Variants in WNT3A observed in about 807,000 individuals in gnomAD.
WNT3A encodes the protein protein Wnt-3a.
Under a neutral mutation model 37.0 loss-of-function variants are expected in WNT3A, and 17 were observed. That is an observed-to-expected ratio of 0.46 (90% CI 0.31 to 0.69). The LOEUF (loss-of-function observed/expected upper bound fraction) is 0.69, where lower values mean the gene tolerates loss of function less well. Ranked by LOEUF, WNT3A falls within the 30% of genes least tolerant of loss-of-function variation. The pLI is 0.05. For missense variants in WNT3A, 411 were observed against 510.2 expected, an observed-to-expected ratio of 0.81 and a Z score of 1.87; for synonymous variants, 187 against 211.0, an observed-to-expected ratio of 0.89 and a Z score of 0.99.
chr1:228,030,167 G>A (rs913263614), intron 2 of WNT3A, among the ~76,000 whole-genome samples: 1 of 151,880 alleles, frequency 6.6e-6, no homozygotes, highest in South Asian at 2.1e-4. Context: ...GGCGGAGGCG[G>A]GCAGATCACT....
intron 2 of WNT3A, among the ~76,000 whole-genome samples, chr1:228,033,298 A>T (rs1338178817): frequency 6.6e-6 from 1 of 152,150 alleles, no homozygotes; most frequent in East Asian, 1.9e-4. Context: ...TTTTTAAATA[A>T]GAGTTTTAGC....
Position 228,052,753 on chromosome 1 carries a change from G to A in WNT3A, c.579+1832G>A, listed in dbSNP as rs1382444832. ...CTGCAGAAGACAACTTCAGATGCAGGATGAACTATAAAAAGCACCCTGTTA... is the reference window on the plus strand; with the variant it reads ...CTGCAGAAGACAACTTCAGATGCAGAATGAACTATAAAAAGCACCCTGTTA... On this transcript the variant is annotated intron_variant, in intron 3 of 3. Transcript: ENST00000284523. 5.3e-5 allele frequency among the ~76,000 whole-genome samples: 8 copies of A among 152,322 alleles called. No homozygotes were observed. The East Asian group carries it at 9.6e-4, about 18-fold the overall frequency.
At chr1:228,053,906 A>T (rs919235216) in intron 3 of WNT3A, among the ~76,000 whole-genome samples, 1 of 152,182 alleles carries the variant, frequency 6.6e-6, no homozygotes, top group African/African-American at 2.4e-5. Context: ...CCATAAAATG[A>T]TTTTTAAGTG....
At chr1:228,047,449 T>C (rs1399253129) in intron 2 of WNT3A, among the ~76,000 whole-genome samples, 1 of 151,964 alleles carries the variant, frequency 6.6e-6, no homozygotes, top group Non-Finnish European at 1.5e-5. Context: ...GGATGTGTGT[T>C]GGGCCGTGTG....
chr1:228,009,055 C>T (rs976757118), intron 1 of WNT3A, among the ~76,000 whole-genome samples: 1 of 152,142 alleles, frequency 6.6e-6, no homozygotes, highest in African/African-American at 2.4e-5. Context: ...CACAGGGAAG[C>T]GGGGCATAGA....
intron 1 of WNT3A, among the ~76,000 whole-genome samples, chr1:228,010,675 G>A (rs191392702): frequency 5.7e-4 from 87 of 152,364 alleles, no homozygotes; most frequent in African/African-American, 2.0e-3. Context: ...CTGGCTGCTT[G>A]CAGATGGCCA....
intron 2 of WNT3A, among the ~76,000 whole-genome samples, chr1:228,025,868 C>T (rs1032414323): frequency 6.6e-6 from 1 of 151,966 alleles, no homozygotes; most frequent in African/African-American, 2.4e-5. Flanking sequence ...CTCCCAGGCT[C>T]AAGTAATTCT....
At chr1:228,046,712 G>A (rs562513823) in intron 2 of WNT3A, among the ~76,000 whole-genome samples, 36 of 150,926 alleles carry the variant, frequency 2.4e-4, no homozygotes, top group African/African-American at 8.8e-4. Flanking sequence ...TTGCATGCAT[G>A]TGTATATGTG....
chr1:228,022,900 T>C lies in WNT3A; in HGVS notation c.305T>C (p.Leu102Pro). ...HDSLAIFGPV[L>P]DKATRESAFV... ...AGCCTGGCCATCTTCGGGCCCGTGCTGGACAAAGGTATGGGGGTGGTCTGG... is the reference window on the plus strand; with the variant it reads ...AGCCTGGCCATCTTCGGGCCCGTGCCGGACAAAGGTATGGGGGTGGTCTGG... Residue 102 changes from leucine to proline, a missense_variant, in exon 2 of 4, where the codon CTG becomes CCG. Physicochemically the swap from Leu to Pro is moderately conservative, Grantham distance 98 (BLOSUM62 -3). Coordinates refer to ENST00000284523, the MANE Select transcript of WNT3A (RefSeq NM_033131.4). 6.2e-7 allele frequency: 1 copy of C among 1,606,938 alleles called. No individual in the cohort carries two copies. The highest frequency in any genetic ancestry group is 1.1e-5 in the South Asian group (1 of 90,534).
rs1478559017 is a variant in WNT3A at position 228,042,676 on chromosome 1, A to G, written c.314-7980A>G. 6.6e-6 allele frequency among the ~76,000 whole-genome samples: 1 copy of G among 151,270 alleles called. No homozygotes were observed. The highest frequency in any genetic ancestry group is 2.4e-5 in the African/African-American group (1 of 41,008). On this transcript the variant is annotated intron_variant, in intron 2 of 3. Transcript: ENST00000284523. This position sits in a 1 kb window ranked among gnomAD's most constrained non-coding sequence, Gnocchi z 5.2. Reference sequence around the variant, plus strand: ...ATGGTGGATGATGGGTAATGGATGGACAATGGATGGATTGTGGATGGATGG... The same window carrying G: ...ATGGTGGATGATGGGTAATGGATGGGCAATGGATGGATTGTGGATGGATGG...
intron 1 of WNT3A, among the ~76,000 whole-genome samples, chr1:228,012,046 C>T (rs2030386898): frequency 6.6e-6 from 1 of 152,228 alleles, no homozygotes; most frequent in Non-Finnish European, 1.5e-5. Context: ...GGGGCTTGTT[C>T]TAACGATGTT....
At chr1:228,054,926 C>CGGGTGGACCACCT (rs57084903) in intron 3 of WNT3A, among the ~76,000 whole-genome samples, 1 of 150,210 alleles carries the variant, frequency 6.7e-6, no homozygotes, top group African/African-American at 2.4e-5. Context: ...GAGGCCGAGG[C>CGGGTGGACCACCT]GAGTTCGAGA....
intron 2 of WNT3A, among the ~76,000 whole-genome samples, chr1:228,029,000 T>G (rs1037028626): frequency 3.9e-5 from 6 of 152,184 alleles, no homozygotes; most frequent in African/African-American, 1.4e-4. Flanking sequence ...AAACAATTCC[T>G]TGGGGAAAAG....
intron 1 of WNT3A, among the ~76,000 whole-genome samples, chr1:228,011,259 G>A (rs769034322): frequency 2.6e-5 from 4 of 152,170 alleles, no homozygotes; most frequent in East Asian, 1.9e-4. Context: ...GGGGCCAGTC[G>A]AGCAGGGCAG....
intron 3 of WNT3A, among the ~76,000 whole-genome samples, chr1:228,054,889 C>T (rs754819738): frequency 7.9e-5 from 12 of 151,146 alleles, no homozygotes; most frequent in Non-Finnish European, 1.6e-4. Flanking sequence ...GGCACGGTGG[C>T]TCGCACCTGT....
At chr1:228,022,578 C>T (rs576195328) in intron 1 of WNT3A, 89 bp from the exon 2 acceptor site, 3 of 1,476,504 alleles carry the variant, frequency 2.0e-6, no homozygotes, top group African/African-American at 2.8e-5. Flanking sequence ...CCCGAATGCA[C>T]TTGAGGCCCC....
At position 228,050,736 on chromosome 1, in the gene WNT3A, A is replaced by G. The variant is rs150424650; in HGVS notation, c.394A>G (p.Thr132Ala). ...FAVTRSCAEGTAAICGCSSRH... is the reference protein window; with the variant it reads ...FAVTRSCAEGAAAICGCSSRH... The stretch of plus-strand genomic sequence containing the variant: ...AGTGACACGCTCATGTGCAGAAGGC[A>G]CGGCCGCCATCTGTGGCTGCAGCAG... The change falls in exon 3 of 4, where the codon ACG (threonine) becomes GCG (alanine). Residue 132 changes from threonine (T) to alanine (A), a missense_variant. Transcript: ENST00000284523. This position sits in a 1 kb window ranked among gnomAD's most constrained non-coding sequence, Gnocchi z 5.0. The G allele has an allele frequency of 1.9e-6, 3 of 1,614,088 alleles. No individual in the cohort carries two copies.
rs575461103 is a variant in WNT3A, at chr1:228,042,071, C to T, written c.314-8585C>T. On this transcript the variant is annotated intron_variant, in intron 2 of 3. Coordinates refer to ENST00000284523, the MANE Select transcript of WNT3A (RefSeq NM_033131.4). This position sits in a 1 kb window ranked among gnomAD's most constrained non-coding sequence, Gnocchi z 5.2. ...TCGGCTCACTGCAACCTCCGCCTCC[C>T]GGGTTCAAGCGATTCTCCCACCTCA... Among the ~76,000 whole-genome samples, 9 of 152,246 alleles carry T rather than the reference C, an allele frequency of 5.9e-5. No homozygotes were observed. Among genetic ancestry groups the T allele is most frequent in the African/African-American group, 1.4e-4 (6 of 41,544 alleles).
chr1:228,055,206 A>G (rs1430652236), intron 3 of WNT3A, among the ~76,000 whole-genome samples: 2 of 95,604 alleles, frequency 2.1e-5, no homozygotes, highest in East Asian at 3.5e-4. Flanking sequence ...ATATATATAT[A>G]TATATATATA....
Sources: gnomAD v4.1 joint callset for allele counts (sites outside exome capture counted in the v4.1 genomes callset) on GRCh38, gnomAD v4.1.1 for gene constraint, Gnocchi (gnomAD v3.1) non-coding constraint, MANE v1.5 for transcripts, NCBI Gene and HGNC (gene_info 2026-07-23, HGNC 2026-07-21) for gene names.